ATP10B: variants seen among roughly 807,000 people sequenced by gnomAD.
ATP10B encodes the protein phospholipid-transporting ATPase VB.
In ATP10B, 122 loss-of-function variants were observed where a neutral mutation model predicts 141.2. The observed-to-expected ratio is 0.86, with a 90% CI of 0.75 to 1.00. The LOEUF (loss-of-function observed/expected upper bound fraction) is 1.00. ATP10B is among the 50% of genes least tolerant of loss of function. The pLI, the probability that ATP10B is intolerant of heterozygous loss-of-function variation, is 0.00. For synonymous variants in ATP10B, 685 were observed against 692.0 expected, an observed-to-expected ratio of 0.99 and a Z score of 0.16; for missense variants, 1,876 against 1,825.3, an observed-to-expected ratio of 1.03 and a Z score of -0.51.
At chr5:160,867,198 A>T in the ATP10B span, among the ~76,000 whole-genome samples, 2 of 68,132 alleles carry the variant, frequency 2.9e-5, no homozygotes, top group African/African-American at 7.0e-5. Flanking sequence ...TCTCATATAT[A>T]TGCATATATA....
In ATP10B at chr5:160,564,329, A is replaced by G. The variant is rs1326612964; in HGVS notation, c.*1124T>C. 1 of 152,032 alleles carries G rather than the reference A, an allele frequency of 6.6e-6. No homozygotes were observed. The highest frequency in any genetic ancestry group is 1.5e-5 in the Non-Finnish European group (1 of 67,998). The allele number at this position is 152,032 out of a possible 1,614,324, so 9.4% of individuals were successfully genotyped here. A position where few individuals can be genotyped will look rare whatever the true frequency, so the allele number is the denominator to read the frequency against. ...TTTAACACTGTTTTGAGCTTTTTTT[A>G]TATAGTTGACATTTATAAACTCTAG... On this transcript the variant is annotated 3_prime_UTR_variant, in exon 26 of 26. Transcript: ENST00000327245.
At chr5:160,714,753 C>G (rs1765487231) in intron 3 of ATP10B, among the ~76,000 whole-genome samples, 1 of 125,678 alleles carries the variant, frequency 8.0e-6, no homozygotes, top group East Asian at 2.3e-4. Flanking sequence ...GTTTTATCTA[C>G]TTTTGGTCTT....
At position 160,620,623 on chromosome 5, in the gene ATP10B, C is replaced by T. The variant is rs1758274604; in HGVS notation, c.2140G>A (p.Glu714Lys). The T allele has an allele frequency of 6.2e-7, 1 of 1,613,614 alleles. No individual in the cohort carries two copies. The highest frequency in any genetic ancestry group is 1.3e-5 in the African/African-American group (1 of 74,940). The change falls in exon 15 of 26, where the codon GAG becomes AAG. Residue 714 changes from glutamate (E) to lysine (K), a missense_variant. Transcript: ENST00000327245. ...GGGCTCTCAGCCTCGTAACAGAACT[C>T]AGGCCTGGCCAGGTCTGTGGCTGGG... ...EAPATDLARP[E>K]FCYEAESPDE...
intron 1 of ATP10B, among the ~76,000 whole-genome samples, chr5:160,842,072 G>GGCT (rs1775842349): frequency 6.6e-6 from 1 of 152,128 alleles, no homozygotes; most frequent in African/African-American, 2.4e-5. Context: ...ATAGGCCACA[G>GGCT]GCTAGCCATA....
chr5:160,839,200 A>G (rs1775667958), intron 1 of ATP10B, among the ~76,000 whole-genome samples: 1 of 152,184 alleles, frequency 6.6e-6, no homozygotes, highest in Admixed American at 6.6e-5. Flanking sequence ...GGGATATTGA[A>G]TTGTGTAAAA....
At chr5:160,773,905 C>T (rs1006490172) in intron 2 of ATP10B, among the ~76,000 whole-genome samples, 4 of 152,160 alleles carry the variant, frequency 2.6e-5, no homozygotes, top group African/African-American at 9.7e-5. Context: ...ACAACAAAAG[C>T]TACTTTACAA....
chr5:160,636,241 A>G lies in ATP10B; in HGVS notation c.1069T>C (p.Phe357Leu). 4 of 1,613,824 alleles carry G rather than the reference A, an allele frequency of 2.5e-6. No individual in the cohort carries two copies. The highest frequency in any genetic ancestry group is 3.4e-6 in the Non-Finnish European group (4 of 1,179,834). ...PFDVPDANGS[F>L]LPSALGGFYM... ...AAGCCCCCAAGGGCACTGGGAAGGA[A>G]GCTGCCATTGGCATCTGGCACATCG... The change falls in exon 11 of 26, where the codon TTC (phenylalanine) becomes CTC (leucine). Residue 357 changes from phenylalanine to leucine, a missense_variant. Transcript: ENST00000327245.
chr5:160,850,818 C>A (rs187870137), intron 1 of ATP10B, among the ~76,000 whole-genome samples: 1 of 152,056 alleles, frequency 6.6e-6, no homozygotes, highest in Non-Finnish European at 1.5e-5. Context: ...GATCCTGAAC[C>A]CTTAAATCCA....
chr5:160,776,083 C>G (rs1770287377), intron 2 of ATP10B, among the ~76,000 whole-genome samples: 1 of 152,142 alleles, frequency 6.6e-6, no homozygotes, highest in African/African-American at 2.4e-5. Context: ...GACATTTTAA[C>G]TAGGTGTCTT....
At chr5:160,622,686 G>T in intron 13 of ATP10B, 101 bp from the exon 14 acceptor site, 1 of 1,105,068 alleles carries the variant, frequency 9.0e-7, no homozygotes, top group Non-Finnish European at 1.3e-6. Flanking sequence ...CTTCATTGCA[G>T]TCTTGCATCC....
At position 160,632,359 on chromosome 5, in the gene ATP10B, G is replaced by C. The variant is rs1758996126; in HGVS notation, c.1390C>G (p.Leu464Val). 1 of 1,613,962 alleles carries C rather than the reference G, an allele frequency of 6.2e-7. No homozygotes were observed. Among genetic ancestry groups the C allele is most frequent in the African/African-American group, 1.3e-5 (1 of 74,922 alleles). ...GAGTCCAGCTCCTTTGGGGTCTCCA[G>C]TCGCTTAGCTGCAAGAAAGGAGTCC... ...EYSHQENAKR[L>V]ETPKELDSDG... The change falls in exon 13 of 26, where the codon CTG becomes GTG. Residue 464 changes from leucine to valine, a missense_variant. Coordinates refer to ENST00000327245, the MANE Select transcript of ATP10B (RefSeq NM_025153.3).
chr5:160,861,061 A>G, the ATP10B span, among the ~76,000 whole-genome samples: 5 of 151,906 alleles, frequency 3.3e-5, no homozygotes, highest in Non-Finnish European at 5.9e-5. Context: ...GCTCTTTAGG[A>G]TGACACTATA....
chr5:160,899,603 T>C, the ATP10B span, among the ~76,000 whole-genome samples: 2 of 152,216 alleles, frequency 1.3e-5, no homozygotes, highest in African/African-American at 4.8e-5. Flanking sequence ...ATTTATACTT[T>C]TCAGAGAGAG....
At chr5:160,912,014 CAAAGT>C in the ATP10B span, among the ~76,000 whole-genome samples, 330 of 152,140 alleles carry the variant, frequency 2.2e-3, no homozygotes, top group African/African-American at 7.5e-3. Context: ...CTTAAGAAGA[CAAAGT>C]AAAACCACTA....
chr5:160,812,324 T>C (rs552526700), intron 1 of ATP10B, among the ~76,000 whole-genome samples: 2 of 152,284 alleles, frequency 1.3e-5, no homozygotes, highest in South Asian at 4.1e-4. Context: ...TGTGAAGCTA[T>C]AATAAATACT....
intron 1 of ATP10B, among the ~76,000 whole-genome samples, chr5:160,826,069 C>T (rs961567052): frequency 5.3e-5 from 8 of 152,080 alleles, no homozygotes; most frequent in African/African-American, 1.9e-4. Flanking sequence ...TGATGGGCAC[C>T]TAGGTTGGTT....
At chr5:160,829,406 T>C (rs1774900576) in intron 1 of ATP10B, among the ~76,000 whole-genome samples, 1 of 152,140 alleles carries the variant, frequency 6.6e-6, no homozygotes, top group Admixed American at 6.6e-5. Flanking sequence ...TCTGGCTTTA[T>C]TCTTTTTGCT....
intron 10 of ATP10B, among the ~76,000 whole-genome samples, chr5:160,638,203 A>G (rs150872643): frequency 5.4e-4 from 83 of 152,340 alleles, no homozygotes; most frequent in Admixed American, 1.2e-3. Context: ...AGTCCTGTGT[A>G]TGAGTTGTTA....
chr5:160,895,450 C>A, the ATP10B span, among the ~76,000 whole-genome samples: 110 of 151,746 alleles, frequency 7.2e-4, no homozygotes, highest in South Asian at 0.019. Context: ...CAAAAAAAGA[C>A]AAGGGCATTA....
Sources: allele counts gnomAD v4.1 joint callset (sites outside exome capture counted in the v4.1 genomes callset), GRCh38; gene constraint gnomAD v4.1.1; transcripts MANE v1.5; gene names NCBI Gene and HGNC (gene_info 2026-07-23, HGNC 2026-07-21).